Variants in CHID1 observed in about 807,000 individuals in gnomAD.
The protein encoded by CHID1 is chitinase domain-containing protein 1.
In CHID1, 44 loss-of-function variants were observed where a neutral mutation model predicts 55.4. That is an observed-to-expected ratio of 0.79 (90% confidence interval 0.62 to 1.02). The LOEUF (loss-of-function observed/expected upper bound fraction) is 1.02. Among genes scored for constraint, CHID1 ranks in the 50% least tolerant of loss-of-function variants. CHID1 has a pLI of 0.00. For missense variants in CHID1, 491 were observed against 515.3 expected, an observed-to-expected ratio of 0.95 and a Z score of 0.46; for synonymous variants, 216 against 212.9, an observed-to-expected ratio of 1.01 and a Z score of -0.13.
rs1349198129 is a variant in CHID1 at position 904,740 on chromosome 11, G to A, written c.77C>T (p.Ala26Val). 6.2e-7 allele frequency: 1 copy of A among 1,613,988 alleles called. No homozygotes were observed. Among genetic ancestry groups the A allele is most frequent in the Non-Finnish European group, 8.5e-7 (1 of 1,180,030 alleles). ...PVHTTLSKSD[A>V]KKAASKTLLE... ...CAGCGTCTTTGAGGCGGCTTTTTTG[G>A]CATCTGACTTTGACAGGGTAGTGTG... Residue 26 changes from alanine to valine, a missense_variant, in exon 2 of 13, where the codon GCC (alanine) becomes GTC (valine). Transcript: ENST00000323578.
Position 906,194 on chromosome 11 carries a change from C to G in CHID1, c.-43-1335G>C, listed in dbSNP as rs1420184717. Among the ~76,000 whole-genome samples the G allele has an allele frequency of 2.0e-5, 3 of 151,604 alleles. No individual in the cohort carries two copies. In the South Asian group the frequency reaches 6.2e-4, roughly 32 times the overall value. On this transcript the variant is annotated intron_variant, in intron 1 of 12. Coordinates refer to ENST00000323578, the MANE Select transcript of CHID1 (RefSeq NM_023947.4). ...GGTGATCTGCCCACCTCGGCCCCCC[C>G]AAAGTGCTGGGATTACAGGTGTGAG...
chr11:893,202 A>C (rs1463324320), intron 8 of CHID1, among the ~76,000 whole-genome samples: 5 of 152,136 alleles, frequency 3.3e-5, no homozygotes, highest in African/African-American at 1.2e-4. Context: ...GCTTCTGTCC[A>C]CTTGGCCCCC....
chr11:900,835 C>T, intron 5 of CHID1, 101 bp downstream of exon 5: 3 of 984,530 alleles, frequency 3.0e-6, no homozygotes, highest in Admixed American at 2.8e-5. Context: ...GCCGCAGCAG[C>T]ACAGCCGGGT....
In CHID1 at chr11:883,152, C is replaced by A; in HGVS notation, c.955G>T (p.Ala319Ser). 1 of 1,609,842 alleles carries A rather than the reference C, an allele frequency of 6.2e-7. No homozygotes were observed. Among genetic ancestry groups the A allele is most frequent in the Non-Finnish European group, 8.5e-7 (1 of 1,176,550 alleles). Residue 319 changes from alanine to serine, a missense_variant, in exon 10 of 13, where the codon GCC (alanine) becomes TCC (serine). By Grantham distance (99) the Ala-to-Ser change is moderately conservative. Transcript: ENST00000323578. Reference sequence around the variant, plus strand: ...CAGGGAGAGCCCTTGGCTCACCTGGCCCCGACAACAGGCTCACGGGCATCC... The same window carrying A: ...CAGGGAGAGCCCTTGGCTCACCTGGACCCGACAACAGGCTCACGGGCATCC... ...SKDAREPVVG[A>S]RYIQTLKDHR... is the part of the protein sequence containing the mutation.
At chr11:879,925 A>C (rs1185853994) in intron 10 of CHID1, among the ~76,000 whole-genome samples, 5 of 152,202 alleles carry the variant, frequency 3.3e-5, no homozygotes. Flanking sequence ...AAGGTGGGGG[A>C]CATGAGCTGT....
In CHID1 at chr11:883,143, C is replaced by T. The variant is rs753942408; in HGVS notation, c.959+5G>A. The T allele has an allele frequency of 6.2e-7, 1 of 1,607,798 alleles. No homozygotes were observed. Among genetic ancestry groups the T allele is most frequent in the Admixed American group, 1.7e-5 (1 of 59,902 alleles). ...TCAGCACGGCAGGGAGAGCCCTTGG[C>T]TCACCTGGCCCCGACAACAGGCTCA... On this transcript the variant is annotated splice_donor_5th_base_variant and intron_variant, in intron 10 of 12. Transcript: ENST00000323578.
chr11:894,557 T>G (rs1466365839), intron 7 of CHID1, among the ~76,000 whole-genome samples: 1 of 152,204 alleles, frequency 6.6e-6, no homozygotes, highest in Non-Finnish European at 1.5e-5. Context: ...AGGCTCTGGC[T>G]GTTACCGCAC....
chr11:900,411 G>A (rs780728025), intron 5 of CHID1, among the ~76,000 whole-genome samples: 1 of 152,182 alleles, frequency 6.6e-6, no homozygotes, highest in Non-Finnish European at 1.5e-5. Context: ...AGGGAGGCTG[G>A]GACAGACTCT....
At position 902,116 on chromosome 11, in the gene CHID1, T is replaced by A. The variant is rs1257679916; in HGVS notation, c.394+82A>T. On this transcript the variant is annotated intron_variant, in intron 4 of 12. Transcript: ENST00000323578. ...GAGACACCCACAGAGACATACCTAC[T>A]CACACACACACACCCCTGCTCTCGC... The A allele has an allele frequency of 5.9e-6, 9 of 1,512,908 alleles. No individual in the cohort carries two copies. In the African/African-American group the frequency reaches 1.1e-4, roughly 18 times the overall value. The allele number at this position is 1,512,908 out of a possible 1,614,324, so 93.7% of individuals were successfully genotyped here. A position where few individuals can be genotyped will look rare whatever the true frequency, so the allele number is the denominator to read the frequency against.
intron 1 of CHID1, among the ~76,000 whole-genome samples, chr11:907,609 G>A (rs1474495721): frequency 6.6e-6 from 1 of 152,218 alleles, no homozygotes; most frequent in Non-Finnish European, 1.5e-5. Context: ...ACACTGCTGG[G>A]AAGAAGCTCT....
intron 7 of CHID1, among the ~76,000 whole-genome samples, chr11:897,284 C>G (rs1589878491): frequency 6.6e-6 from 1 of 151,296 alleles, no homozygotes; most frequent in South Asian, 2.1e-4. Context: ...CTCAGCACCT[C>G]CAGCCTCCAC....
At chr11:905,033 C>G (rs535361313) in intron 1 of CHID1, among the ~76,000 whole-genome samples, 174 bp from the exon 2 acceptor site, 4 of 152,330 alleles carry the variant, frequency 2.6e-5, no homozygotes, top group Admixed American at 2.6e-4. Context: ...CGGCCACAGT[C>G]TATTCTCCAG....
intron 1 of CHID1, among the ~76,000 whole-genome samples, chr11:906,593 G>A (rs574729619): frequency 6.6e-6 from 1 of 152,236 alleles, no homozygotes; most frequent in Admixed American, 6.5e-5. Flanking sequence ...AACACAGACA[G>A]GCACTGCCAT....
At chr11:901,153 T>C (rs558582669) in intron 4 of CHID1, among the ~76,000 whole-genome samples, 173 bp from the exon 5 acceptor site, 11 of 151,834 alleles carry the variant, frequency 7.2e-5, no homozygotes, top group Admixed American at 4.6e-4. Context: ...CTCCACACCC[T>C]CTTCCTGACC....
intron 8 of CHID1, among the ~76,000 whole-genome samples, chr11:892,211 C>T (rs1254178384): frequency 1.3e-5 from 2 of 152,228 alleles, no homozygotes; most frequent in Admixed American, 1.3e-4. Flanking sequence ...CCGTTATTGC[C>T]GGGGAGGCTG....
chr11:899,073 G>A (rs533539259), intron 7 of CHID1, among the ~76,000 whole-genome samples: 118 of 152,380 alleles, frequency 7.7e-4, no homozygotes, highest in South Asian at 1.9e-3. Context: ...GACCGCCCAA[G>A]GGAGGCATCA....
chr11:894,005 C>T (rs1046647692), intron 7 of CHID1, among the ~76,000 whole-genome samples: 3 of 151,710 alleles, frequency 2.0e-5, no homozygotes, highest in African/African-American at 7.3e-5. Context: ...TCCTGTAATC[C>T]GAGCTACTCA....
At chr11:894,282 G>A (rs939738528) in intron 7 of CHID1, among the ~76,000 whole-genome samples, 4 of 152,316 alleles carry the variant, frequency 2.6e-5, no homozygotes, top group Admixed American at 2.6e-4. Context: ...GGGCAGGGCA[G>A]GAGACAGGGA....
chr11:890,507 C>T (rs1321470103), intron 8 of CHID1, among the ~76,000 whole-genome samples: 2 of 152,220 alleles, frequency 1.3e-5, no homozygotes, highest in Non-Finnish European at 2.9e-5. Flanking sequence ...GGCAACGGCG[C>T]CAGCAGGGCC....
Sources: allele counts gnomAD v4.1 joint callset (sites outside exome capture counted in the v4.1 genomes callset), GRCh38; gene constraint gnomAD v4.1.1; transcripts MANE v1.5; gene names NCBI Gene and HGNC (gene_info 2026-07-23, HGNC 2026-07-21).